GSG1L: variants seen among roughly 807,000 people sequenced by gnomAD.
The protein encoded by GSG1L is germ cell-specific gene 1-like protein.
A neutral mutation model predicts 42.1 loss-of-function variants in GSG1L; 24 were observed. The ratio of observed to expected loss-of-function variants is 0.57; its 90% CI spans 0.41 to 0.80. GSG1L has a LOEUF of 0.80. Ranked by LOEUF, GSG1L falls within the 30% of genes least tolerant of loss-of-function variation. The pLI, the probability that GSG1L is intolerant of heterozygous loss-of-function variation, is 0.00. For missense variants in GSG1L, 445 were observed against 472.2 expected, an observed-to-expected ratio of 0.94 and a Z score of 0.53; for synonymous variants, 215 against 203.5, an observed-to-expected ratio of 1.06 and a Z score of -0.48.
intron 1 of GSG1L, among the ~76,000 whole-genome samples, chr16:28,058,620 C>CAAAA (rs66952573): frequency 4.8e-5 from 4 of 82,554 alleles, no homozygotes. Context: ...AGAACAAGAC[C>CAAAA]AAAAAAAAAA....
intron 2 of GSG1L, among the ~76,000 whole-genome samples, chr16:27,904,725 A>G (rs1469893681): frequency 6.6e-6 from 1 of 151,998 alleles, no homozygotes; most frequent in Non-Finnish European, 1.5e-5. Context: ...GGGCCTTTGC[A>G]CATGCTTTCC....
At chr16:28,024,869 T>C (rs1239660377) in intron 1 of GSG1L, among the ~76,000 whole-genome samples, 2 of 152,194 alleles carry the variant, frequency 1.3e-5, no homozygotes, top group Non-Finnish European at 2.9e-5. Flanking sequence ...ATCGAGCCCA[T>C]CCTCCATGCC....
At chr16:27,891,882 A>ATTTTTT (rs1224468785) in intron 2 of GSG1L, among the ~76,000 whole-genome samples, 5 of 50,506 alleles carry the variant, frequency 9.9e-5, no homozygotes, top group East Asian at 8.5e-4. Context: ...TCAGTGACAG[A>ATTTTTT]TCTTTTTTTT....
At chr16:27,853,301 C>G (rs1442702796) in intron 3 of GSG1L, among the ~76,000 whole-genome samples, 4 of 152,222 alleles carry the variant, frequency 2.6e-5, no homozygotes, top group African/African-American at 9.6e-5. Context: ...TGAGCTGATG[C>G]TATGTTTAAA....
At chr16:27,993,838 G>A (rs2085483637) in intron 1 of GSG1L, among the ~76,000 whole-genome samples, 1 of 152,208 alleles carries the variant, frequency 6.6e-6, no homozygotes, top group African/African-American at 2.4e-5. Flanking sequence ...TCTGTCCCCT[G>A]ACACATGTGC....
At chr16:28,013,066 T>C (rs2085741166) in intron 1 of GSG1L, among the ~76,000 whole-genome samples, 1 of 150,664 alleles carries the variant, frequency 6.6e-6, no homozygotes, top group Admixed American at 6.6e-5. Context: ...CTCTACTAAA[T>C]ACAAAAAATT....
chr16:28,043,798 G>C (rs1166284865), intron 1 of GSG1L, among the ~76,000 whole-genome samples: 1 of 152,174 alleles, frequency 6.6e-6, no homozygotes, highest in Admixed American at 6.5e-5. Flanking sequence ...AAAACAGGAG[G>C]ATTGCCTGAG....
At chr16:28,008,867 G>A (rs1346866413) in intron 1 of GSG1L, among the ~76,000 whole-genome samples, 1 of 152,166 alleles carries the variant, frequency 6.6e-6, no homozygotes, top group Non-Finnish European at 1.5e-5. Flanking sequence ...GGAGTACAGT[G>A]GCGGGATTTC....
chr16:28,035,457 C>T (rs1385007381), intron 1 of GSG1L, among the ~76,000 whole-genome samples: 1 of 152,120 alleles, frequency 6.6e-6, no homozygotes, highest in Non-Finnish European at 1.5e-5. Flanking sequence ...TACTATTTAC[C>T]ATCTACTCAT....
intron 2 of GSG1L, among the ~76,000 whole-genome samples, chr16:27,956,804 A>C (rs939369659): frequency 6.6e-6 from 1 of 152,118 alleles, no homozygotes. Flanking sequence ...TGTGAGGAAA[A>C]AAAAAAAAAC....
chr16:28,062,935 C>G (rs1195288738), intron 1 of GSG1L, 141 bp downstream of exon 1: 1 of 1,158,456 alleles, frequency 8.6e-7, no homozygotes, highest in East Asian at 3.9e-5. Context: ...TGCCCCGGAA[C>G]GTCGCCCCTA....
At chr16:27,962,861 ACCCCCATCATCCCT>A (rs1470562837) in intron 2 of GSG1L, among the ~76,000 whole-genome samples, 1 of 151,784 alleles carries the variant, frequency 6.6e-6, no homozygotes, top group Non-Finnish European at 1.5e-5. Context: ...AAACGTCCAC[ACCCCCATCATCCCT>A]CCCACAGTCC....
intron 3 of GSG1L, among the ~76,000 whole-genome samples, chr16:27,881,475 C>T (rs374814345): frequency 3.6e-4 from 54 of 151,894 alleles, no homozygotes; most frequent in Admixed American, 9.2e-4. Context: ...CTCCTGACCT[C>T]GTGATCCACC....
intron 3 of GSG1L, among the ~76,000 whole-genome samples, chr16:27,873,028 G>T (rs2083842005): frequency 6.6e-6 from 1 of 152,148 alleles, no homozygotes; most frequent in African/African-American, 2.4e-5. Flanking sequence ...CTATGGACTT[G>T]CCCTGAATTC....
chr16:27,958,269 G>A (rs1421851023), intron 2 of GSG1L, among the ~76,000 whole-genome samples: 3 of 151,928 alleles, frequency 2.0e-5, no homozygotes, highest in African/African-American at 7.2e-5. Context: ...GCCAGCTATG[G>A]TGGTAGGTGC....
At position 27,884,415 on chromosome 16, in the gene GSG1L, AG is replaced by A; in HGVS notation, c.550+70del. 1.4e-6 allele frequency: 2 copies of A among 1,437,382 alleles called. No homozygotes were observed. Among genetic ancestry groups the A allele is most frequent in the Non-Finnish European group, 1.9e-6 (2 of 1,058,386 alleles). The allele number at this position is 1,437,382 out of a possible 1,614,324, so 89.0% of individuals were successfully genotyped here. A position where few individuals can be genotyped will look rare whatever the true frequency, so the allele number is the denominator to read the frequency against. On this transcript the variant is annotated intron_variant, in intron 3 of 6. Coordinates refer to ENST00000447459, the MANE Select transcript of GSG1L (RefSeq NM_001109763.2). The surrounding 1 kb of genome is among the most constrained non-coding windows in gnomAD (Gnocchi z 4.4). ...CCAATGCCTCCCGGTTGGTACAACCAGGGCTTACTCCAAGGGCAGCACCCTT... is the reference window on the plus strand; with the variant it reads ...CCAATGCCTCCCGGTTGGTACAACCAGGCTTACTCCAAGGGCAGCACCCTT...
At chr16:27,813,952 G>A (rs1399080760) in intron 5 of GSG1L, among the ~76,000 whole-genome samples, 2 of 152,136 alleles carry the variant, frequency 1.3e-5, no homozygotes, top group Non-Finnish European at 2.9e-5. Context: ...TAATACCGGT[G>A]GTCATTTCAC....
intron 2 of GSG1L, among the ~76,000 whole-genome samples, chr16:27,890,363 C>T (rs2084111290): frequency 1.3e-5 from 2 of 152,126 alleles, no homozygotes; most frequent in Non-Finnish European, 2.9e-5. Context: ...CTGGACTTGA[C>T]CTGAGTTCAG....
intron 1 of GSG1L, among the ~76,000 whole-genome samples, chr16:28,031,200 T>C (rs2085958358): frequency 9.5e-6 from 1 of 104,886 alleles, no homozygotes; most frequent in South Asian, 3.4e-4. Context: ...GATGAAATGA[T>C]GGGGTGGGAT....
Sources: gnomAD v4.1 joint callset for allele counts (sites outside exome capture counted in the v4.1 genomes callset) on GRCh38, gnomAD v4.1.1 for gene constraint, Gnocchi (gnomAD v3.1) non-coding constraint, MANE v1.5 for transcripts, NCBI Gene and HGNC (gene_info 2026-07-23, HGNC 2026-07-21) for gene names.